Variants in GLI3 observed in about 807,000 individuals in gnomAD.
GLI3 encodes the protein GLI family zinc finger 3.
In GLI3, 20 loss-of-function variants were observed where a neutral mutation model predicts 100.8. That is an observed-to-expected ratio of 0.20 (90% CI 0.14 to 0.29). The LOEUF (loss-of-function observed/expected upper bound fraction) is 0.29. GLI3 is among the 10% of genes least tolerant of loss of function. The probability of loss-of-function intolerance (pLI) is 1.00; values close to 1 mark genes in which losing one functional copy is unlikely to be tolerated. For missense variants in GLI3, 2,040 were observed against 2,128.5 expected, an observed-to-expected ratio of 0.96 and a Z score of 0.82; for synonymous variants, 938 against 860.5, an observed-to-expected ratio of 1.09 and a Z score of -1.58.
intron 7 of GLI3, among the ~76,000 whole-genome samples, chr7:42,033,114 G>A (rs1789341925): frequency 6.6e-6 from 1 of 152,192 alleles, no homozygotes; most frequent in South Asian, 2.1e-4. Context: ...GGGCAGGTAG[G>A]TGATGCATTA....
At chr7:42,155,247 C>G (rs919969513) in intron 2 of GLI3, among the ~76,000 whole-genome samples, 10 of 151,994 alleles carry the variant, frequency 6.6e-5, no homozygotes, top group African/African-American at 2.4e-4. Context: ...CAAGACCAGC[C>G]TGACCAACAT....
Position 42,025,304 on chromosome 7 carries a change from G to A in GLI3, c.1316C>T (p.Pro439Leu). 1 of 1,614,078 alleles carries A rather than the reference G, an allele frequency of 6.2e-7. No individual in the cohort carries two copies. Among genetic ancestry groups the A allele is most frequent in the Non-Finnish European group, 8.5e-7 (1 of 1,179,954 alleles). Reference sequence around the variant, plus strand: ...CCCTGGGCTGGGGAGGTCTTCATCGGGTTTGATCTTGGACCTCTTGTTGTG... The same window carrying A: ...CCCTGGGCTGGGGAGGTCTTCATCGAGTTTGATCTTGGACCTCTTGTTGTG... The part of the protein sequence containing the change: ...PMHNKRSKIK[P>L]DEDLPSPGAR... The change falls in exon 9 of 15, where the codon CCC becomes CTC. Residue 439 changes from proline to leucine, a missense_variant. Physicochemically the swap from Pro to Leu is moderately conservative, Grantham distance 98. Coordinates refer to ENST00000395925, the MANE Select transcript of GLI3 (RefSeq NM_000168.6).
At chr7:42,003,127 A>G (rs1788354269) in intron 10 of GLI3, among the ~76,000 whole-genome samples, 1 of 152,254 alleles carries the variant, frequency 6.6e-6, no homozygotes, top group African/African-American at 2.4e-5. Context: ...TTTGTTGAGC[A>G]ATAAGGAATT....
chr7:42,186,691 A>G (rs925437023), intron 2 of GLI3, among the ~76,000 whole-genome samples: 18 of 152,350 alleles, frequency 1.2e-4, no homozygotes, highest in African/African-American at 4.3e-4. Context: ...TTGCCTAAAT[A>G]AACCTAGACA....
At chr7:42,010,907 C>A (rs1414672686) in intron 10 of GLI3, among the ~76,000 whole-genome samples, 1 of 152,096 alleles carries the variant, frequency 6.6e-6, no homozygotes, top group African/African-American at 2.4e-5. Context: ...CTAGGAGGGA[C>A]CACAGCAATA....
At chr7:42,102,584 C>A (rs1785488177) in intron 3 of GLI3, among the ~76,000 whole-genome samples, 1 of 152,252 alleles carries the variant, frequency 6.6e-6, no homozygotes, top group Non-Finnish European at 1.5e-5. Flanking sequence ...AGCCACCGAG[C>A]AGCTGTACAG....
intron 2 of GLI3, among the ~76,000 whole-genome samples, chr7:42,182,662 A>ATATATATATATATATATGTGTGTG (rs1787627610): frequency 1.3e-5 from 1 of 76,742 alleles, no homozygotes; most frequent in Non-Finnish European, 2.5e-5. Flanking sequence ...ATATATATAT[A>ATATATATATATATATATGTGTGTG]TATATATATA....
At chr7:42,108,978 C>A (rs1312043641) in intron 3 of GLI3, among the ~76,000 whole-genome samples, 1 of 152,112 alleles carries the variant, frequency 6.6e-6, no homozygotes, top group Non-Finnish European at 1.5e-5. Context: ...CCATCACCCT[C>A]CTTTCACACT....
intron 7 of GLI3, among the ~76,000 whole-genome samples, chr7:42,032,584 CTA>C (rs1789323661): frequency 6.6e-6 from 1 of 152,000 alleles, no homozygotes. Context: ...TGAGAAAAGC[CTA>C]TGTTTTTTAA....
intron 1 of GLI3, among the ~76,000 whole-genome samples, chr7:42,259,922 G>A (rs1258842877): frequency 6.6e-6 from 1 of 152,212 alleles, no homozygotes; most frequent in South Asian, 2.1e-4. Context: ...TTAAGGCAAA[G>A]CAGCTTTGTC....
chr7:42,247,615 G>C lies in GLI3; in HGVS notation c.-43+16379C>G, dbSNP rs141181144. Among the ~76,000 whole-genome samples the C allele has an allele frequency of 3.9e-3, 589 of 152,338 alleles. 2 individuals are homozygous for C. Among genetic ancestry groups the C allele is most frequent in the Non-Finnish European group, 6.7e-3 (455 of 68,018 alleles). The stretch of plus-strand genomic sequence containing the variant: ...GTGTAAGTTTGTGGTGCATGGTCCA[G>C]TACTTCATTCTATGACTGGTTGACT... On this transcript the variant is annotated intron_variant, in intron 1 of 2. Transcript: ENST00000678978.
chr7:42,101,308 T>TA lies in GLI3; in HGVS notation c.368-24452dup, dbSNP rs1459151307. On this transcript the variant is annotated intron_variant, in intron 3 of 14. Transcript: ENST00000395925. Reference sequence around the variant, plus strand: ...TATTTAGGCATTCTGGGGTGATAAATAAAAAATCCAGGACTGGCGTGGTGG... The same window carrying TA: ...TATTTAGGCATTCTGGGGTGATAAATAAAAAAATCCAGGACTGGCGTGGTGG... Among the ~76,000 whole-genome samples, 35 of 152,132 alleles carry TA rather than the reference T, an allele frequency of 2.3e-4. 1 individual carries two copies. Among genetic ancestry groups the TA allele is most frequent in the Middle Eastern group, 6.8e-3 (2 of 294 alleles).
intron 3 of GLI3, among the ~76,000 whole-genome samples, chr7:42,132,936 T>C: frequency 6.6e-6 from 1 of 151,772 alleles, no homozygotes; most frequent in East Asian, 1.9e-4. Context: ...ACACAAGTAA[T>C]CTTCACCTAC....
intron 7 of GLI3, 146 bp downstream of exon 7, chr7:42,039,892 T>C: frequency 1.4e-6 from 1 of 690,500 alleles, no homozygotes; most frequent in Non-Finnish European, 2.6e-6. Flanking sequence ...ATTGTGATAT[T>C]TGACCTGCCT....
intron 10 of GLI3, among the ~76,000 whole-genome samples, chr7:41,984,019 C>T (rs1787744540): frequency 6.6e-6 from 1 of 152,098 alleles, no homozygotes; most frequent in African/African-American, 2.4e-5. Flanking sequence ...TCCGGGAGCC[C>T]ATAGAAAGGT....
intron 3 of GLI3, among the ~76,000 whole-genome samples, chr7:42,122,027 C>T (rs1404830353): frequency 2.0e-5 from 3 of 152,176 alleles, no homozygotes; most frequent in Admixed American, 6.5e-5. Flanking sequence ...TCCCAGGCTT[C>T]CACACCTGTA....
intron 2 of GLI3, among the ~76,000 whole-genome samples, chr7:42,215,916 C>T (rs754188931): frequency 1.8e-4 from 28 of 152,036 alleles, no homozygotes; most frequent in East Asian, 1.9e-4. Flanking sequence ...AGACTAAAGC[C>T]GAACCATTCA....
chr7:42,085,213 T>C (rs967332821), intron 3 of GLI3, among the ~76,000 whole-genome samples: 1 of 152,150 alleles, frequency 6.6e-6, no homozygotes, highest in African/African-American at 2.4e-5. Flanking sequence ...ACGGAGACCC[T>C]GGAGTCAATA....
chr7:41,984,679 T>TA (rs1398188530), intron 10 of GLI3, among the ~76,000 whole-genome samples: 1 of 152,202 alleles, frequency 6.6e-6, no homozygotes, highest in South Asian at 2.1e-4. Context: ...TAAGCATTGC[T>TA]AAAAACAGTG....
Sources: allele counts gnomAD v4.1 joint callset (sites outside exome capture counted in the v4.1 genomes callset), GRCh38; gene constraint gnomAD v4.1.1; transcripts MANE v1.5; gene names NCBI Gene and HGNC (gene_info 2026-07-23, HGNC 2026-07-21).